Variants in SOX5 observed in about 807,000 individuals in gnomAD.
SOX5 encodes transcription factor SOX-5.
A neutral mutation model predicts 92.0 loss-of-function variants in SOX5; 9 were observed. That is an observed-to-expected ratio of 0.10 (90% CI 0.06 to 0.17). The LOEUF is 0.17. Among genes scored for constraint, SOX5 ranks in the 10% least tolerant of loss-of-function variants. The pLI is 1.00. For synonymous variants in SOX5, 344 were observed against 336.3 expected, an observed-to-expected ratio of 1.02 and a Z score of -0.25; for missense variants, 642 against 944.5, an observed-to-expected ratio of 0.68 and a Z score of 4.20.
chr12:23,542,626 A>T (rs575175883), intron 13 of SOX5, among the ~76,000 whole-genome samples: 35 of 152,174 alleles, frequency 2.3e-4, no homozygotes, highest in Admixed American at 5.2e-4. Flanking sequence ...GACTAAAAGT[A>T]CCTTTAGTAC....
chr12:24,443,850 ACTTC>A (rs1941047528), intron 1 of SOX5, among the ~76,000 whole-genome samples: 1 of 152,248 alleles, frequency 6.6e-6, no homozygotes, highest in East Asian at 1.9e-4. Context: ...CTAATATAGT[ACTTC>A]ATATAATAGC....
At chr12:23,730,960 C>T (rs906168858) in intron 6 of SOX5, among the ~76,000 whole-genome samples, 3 of 152,282 alleles carry the variant, frequency 2.0e-5, no homozygotes, top group East Asian at 3.9e-4. Flanking sequence ...GAGATTAGCA[C>T]GTGAGTCTAA....
intron 6 of SOX5, among the ~76,000 whole-genome samples, chr12:23,734,398 T>C (rs1164067707): frequency 1.3e-5 from 2 of 152,164 alleles, no homozygotes; most frequent in Non-Finnish European, 2.9e-5. Context: ...AGACACGTTT[T>C]AACATTAAAA....
intron 1 of SOX5, among the ~76,000 whole-genome samples, chr12:24,455,952 C>T (rs1942972396): frequency 6.6e-6 from 1 of 152,172 alleles, no homozygotes; most frequent in Non-Finnish European, 1.5e-5. Flanking sequence ...GTCCAAAGCT[C>T]CCCATGGATT....
intron 3 of SOX5, among the ~76,000 whole-genome samples, chr12:23,778,462 C>G (rs2095175674): frequency 6.6e-6 from 1 of 152,068 alleles, no homozygotes; most frequent in Admixed American, 6.6e-5. Context: ...AGAGAGAAAG[C>G]CTAGCATGTT....
intron 4 of SOX5, among the ~76,000 whole-genome samples, chr12:24,194,809 TA>T (rs545142833): frequency 3.4e-4 from 51 of 151,998 alleles, no homozygotes; most frequent in East Asian, 2.7e-3. Context: ...AAAAAAGACT[TA>T]AAAAAAATTC....
At chr12:24,036,436 T>C (rs371914965) in intron 4 of SOX5, among the ~76,000 whole-genome samples, 1 of 152,198 alleles carries the variant, frequency 6.6e-6, no homozygotes, top group East Asian at 1.9e-4. Context: ...TGCGAAGGTA[T>C]ACAGGGTTGA....
intron 6 of SOX5, among the ~76,000 whole-genome samples, chr12:23,697,302 A>G (rs2090014385): frequency 6.6e-6 from 1 of 152,222 alleles, no homozygotes; most frequent in Admixed American, 6.5e-5. Flanking sequence ...TGCCCAAGTT[A>G]AAATTGTAAA....
At chr12:23,883,185 A>AG (rs1367673788) in intron 2 of SOX5, among the ~76,000 whole-genome samples, 2 of 152,044 alleles carry the variant, frequency 1.3e-5, no homozygotes, top group African/African-American at 2.4e-5. Context: ...CATCTCAAAA[A>AG]AAAAAAACCA....
chr12:23,848,925 A>G (rs922848133), intron 2 of SOX5, among the ~76,000 whole-genome samples: 1 of 152,168 alleles, frequency 6.6e-6, no homozygotes, highest in South Asian at 2.1e-4. Context: ...GTTTTGCTTA[A>G]CCTTACCCCT....
chr12:23,984,284 T>G (rs1949860020), intron 4 of SOX5, among the ~76,000 whole-genome samples: 1 of 152,154 alleles, frequency 6.6e-6, no homozygotes, highest in Non-Finnish European at 1.5e-5. Context: ...TGCTAAGTGC[T>G]ACAACAGGAG....
intron 1 of SOX5, among the ~76,000 whole-genome samples, chr12:24,514,236 T>C (rs1949574856): frequency 6.6e-6 from 1 of 152,242 alleles, no homozygotes; most frequent in African/African-American, 2.4e-5. Flanking sequence ...TATTTTAGTC[T>C]TACATACCAC....
At chr12:23,943,815 C>G (rs532787175) in intron 1 of SOX5, among the ~76,000 whole-genome samples, 1 of 152,186 alleles carries the variant, frequency 6.6e-6, no homozygotes, top group Admixed American at 6.6e-5. Context: ...AATTTTCCTT[C>G]TGTCATGTTT....
At chr12:24,247,956 C>T (rs1939217785) in intron 3 of SOX5, among the ~76,000 whole-genome samples, 1 of 151,972 alleles carries the variant, frequency 6.6e-6, no homozygotes, top group Non-Finnish European at 1.5e-5. Flanking sequence ...ACCCAGCCAG[C>T]AATGGTCTCT....
intron 4 of SOX5, among the ~76,000 whole-genome samples, chr12:24,125,349 C>G (rs1372584152): frequency 6.6e-6 from 1 of 152,146 alleles, no homozygotes; most frequent in Non-Finnish European, 1.5e-5. Flanking sequence ...CTTCCAAACC[C>G]CTTTCTTCTC....
intron 9 of SOX5, among the ~76,000 whole-genome samples, chr12:23,586,119 T>C (rs1171247314): frequency 3.3e-5 from 5 of 152,052 alleles, no homozygotes; most frequent in Non-Finnish European, 7.4e-5. Flanking sequence ...CTATTAAACT[T>C]TACGCTCTTA....
intron 4 of SOX5, among the ~76,000 whole-genome samples, chr12:24,013,493 G>A (rs1184558695): frequency 6.6e-6 from 1 of 152,128 alleles, no homozygotes; most frequent in East Asian, 1.9e-4. Context: ...CTGTGCCATT[G>A]CCAAGAGTAA....
intron 1 of SOX5, among the ~76,000 whole-genome samples, chr12:24,476,291 T>G (rs1200466318): frequency 1.3e-5 from 2 of 152,230 alleles, no homozygotes; most frequent in African/African-American, 2.4e-5. Context: ...TTTCCTTCTT[T>G]TGAATCCATT....
intron 1 of SOX5, among the ~76,000 whole-genome samples, chr12:24,382,168 G>A (rs1045683217): frequency 1.3e-5 from 2 of 152,206 alleles, no homozygotes; most frequent in East Asian, 1.9e-4. Context: ...AAGTGCTAAG[G>A]AGAAAAATTA....
Sources: allele counts gnomAD v4.1 joint callset (sites outside exome capture counted in the v4.1 genomes callset), GRCh38; gene constraint gnomAD v4.1.1; transcripts MANE v1.5; gene names NCBI Gene and HGNC (gene_info 2026-07-23, HGNC 2026-07-21).